The following GPAM variants were observed in gnomAD, a reference collection of about 807,000 sequenced individuals.
The protein encoded by GPAM is glycerol-3-phosphate acyltransferase, mitochondrial.
In GPAM, 56 loss-of-function variants were observed where a neutral mutation model predicts 105.0. That is an observed-to-expected ratio of 0.53 (90% CI 0.43 to 0.67). The LOEUF is 0.67. Ranked by LOEUF, GPAM falls within the 30% of genes least tolerant of loss-of-function variation. GPAM has a pLI of 0.00. For missense variants in GPAM, 855 were observed against 989.8 expected (o/e 0.86, Z 1.83); for synonymous variants, 368 against 354.4 (o/e 1.04, Z -0.43).
intron 1 of GPAM, among the ~76,000 whole-genome samples, chr10:112,200,167 AATATATATATATATATATATATATAT>A (rs10528337): frequency 2.1e-4 from 18 of 87,182 alleles, no homozygotes; most frequent in Admixed American, 5.6e-4. Context: ...TTGTAAAGGA[AATATATATATATATATATATATATAT>A]ATATATATAT....
intron 1 of GPAM, among the ~76,000 whole-genome samples, chr10:112,212,245 C>G (rs570597835): frequency 6.6e-6 from 1 of 152,136 alleles, no homozygotes; most frequent in Non-Finnish European, 1.5e-5. Context: ...TAGGTTGGTG[C>G]AAAAGTAATT....
chr10:112,220,158 G>A (rs1848005570), upstream of GPAM, among the ~76,000 whole-genome samples: 1 of 151,946 alleles, frequency 6.6e-6, no homozygotes, highest in Non-Finnish European at 1.5e-5. Flanking sequence ...AGTAGACTGA[G>A]CAGGCAGGAG....
At chr10:112,216,841 C>T (rs1357218529), upstream of GPAM, among the ~76,000 whole-genome samples, 3 of 151,824 alleles carry the variant, frequency 2.0e-5, no homozygotes, top group African/African-American at 7.3e-5. Context: ...CCAGGCTGGT[C>T]TCGAACTTCT....
At chr10:112,155,719 AC>A in intron 20 of GPAM, 144 bp downstream of exon 20, 1 of 606,474 alleles carries the variant, frequency 1.6e-6, no homozygotes, top group South Asian at 2.0e-5. Context: ...AACTTATATA[AC>A]ATGCCAAAGA....
Position 112,151,692 on chromosome 10 carries a change from A to G in GPAM, c.*1858T>C, listed in dbSNP as rs1046833646. On this transcript the variant is annotated 3_prime_UTR_variant, in exon 22 of 22. Transcript: ENST00000348367. ...AGTGTCGACTGGGAAGCGAGTCCCA[A>G]TCTTGAATAATGGTGAGCTTGAGTA... 1.0e-6 allele frequency: 1 copy of G among 985,150 alleles called. No individual in the cohort carries two copies. Among genetic ancestry groups the G allele is most frequent in the South Asian group, 4.7e-5 (1 of 21,282 alleles). The allele number at this position is 985,150 out of a possible 1,614,324, so 61.0% of individuals were successfully genotyped here.
Position 112,152,418 on chromosome 10 carries a change from T to C in GPAM, c.*1132A>G, listed in dbSNP as rs1317151275. 4.1e-6 allele frequency: 4 copies of C among 985,208 alleles called. No individual in the cohort carries two copies. In the East Asian group the frequency reaches 4.5e-4, roughly 112 times the overall value. 61.0% of individuals were successfully genotyped at this position (985,208 alleles called of 1,614,324 possible). ...CATAAAAATTTGTTAAAAGTCATGG[T>C]TTTTCCTCAAAGCTAAAAATCCATA... is the stretch of plus-strand genomic sequence containing the variant. On this transcript the variant is annotated 3_prime_UTR_variant, in exon 22 of 22. Coordinates refer to ENST00000348367, the MANE Select transcript of GPAM (RefSeq NM_001244949.2).
At chr10:112,157,420 A>C in intron 18 of GPAM, 31 bp from the exon 19 acceptor site, 10 of 1,608,252 alleles carry the variant, frequency 6.2e-6, no homozygotes, top group Non-Finnish European at 8.5e-6. Flanking sequence ...ATAGTAAATA[A>C]ATATGCACTG....
At chr10:112,180,620 T>G (rs765536188) in intron 3 of GPAM, 25 bp from the exon 4 acceptor site, 2 of 1,597,094 alleles carry the variant, frequency 1.3e-6, no homozygotes, top group Admixed American at 1.7e-5. Flanking sequence ...GAAAAAAATA[T>G]AGTTTCTAAA....
upstream of GPAM, among the ~76,000 whole-genome samples, chr10:112,186,978 T>C (rs527619690): frequency 1.3e-5 from 2 of 152,332 alleles, no homozygotes; most frequent in African/African-American, 2.4e-5. Context: ...AAGTATTCTG[T>C]TGTAAGATTC....
the GPAM span, among the ~76,000 whole-genome samples, chr10:112,225,850 G>A: frequency 9.7e-4 from 148 of 152,146 alleles, 1 homozygote; most frequent in Non-Finnish European, 1.8e-3. Flanking sequence ...TGCTCGCTGC[G>A]GTGTTCCCTT....
At chr10:112,188,619 C>G (rs1442684459), upstream of GPAM, among the ~76,000 whole-genome samples, 1 of 152,168 alleles carries the variant, frequency 6.6e-6, no homozygotes, top group Admixed American at 6.5e-5. Flanking sequence ...ATGAAAATGG[C>G]ACACACCCTG....
At position 112,152,517 on chromosome 10, in the gene GPAM, G is replaced by A. The variant is rs1285860819; in HGVS notation, c.*1033C>T. On this transcript the variant is annotated 3_prime_UTR_variant, in exon 22 of 22. Coordinates refer to ENST00000348367, the MANE Select transcript of GPAM (RefSeq NM_001244949.2). Reference sequence around the variant, plus strand: ...GGACAGGTTGTGCACGGCACAACTCGAGTGGGTACCAGTCACCTGGACTGG... The same window carrying A: ...GGACAGGTTGTGCACGGCACAACTCAAGTGGGTACCAGTCACCTGGACTGG... 6.1e-6 allele frequency: 6 copies of A among 985,072 alleles called. No individual in the cohort carries two copies. Among genetic ancestry groups the A allele is most frequent in the Non-Finnish European group, 7.2e-6 (6 of 829,616 alleles). 61.0% of individuals were successfully genotyped at this position (985,072 alleles called of 1,614,324 possible).
chr10:112,213,044 G>A (rs1847929816), intron 1 of GPAM, among the ~76,000 whole-genome samples: 1 of 152,162 alleles, frequency 6.6e-6, no homozygotes, highest in Admixed American at 6.5e-5. Context: ...CTCAGCTCAG[G>A]GTCTGTGCTT....
Position 112,168,910 on chromosome 10 carries a change from C to A in GPAM, c.837G>T (p.Arg279Ser), listed in dbSNP as rs781680553. ...HKLGGFFIRR[R>S]LDETPDGRKD... is the part of the protein sequence containing the mutation. ...TCCGTCCATCTGGTGTTTCATCGAG[C>A]CTTCGTCGTATGAAGAAGCCCCCAA... The change falls in exon 10 of 22, where the codon AGG (arginine) becomes AGT (serine). Residue 279 changes from arginine (R) to serine (S), a missense_variant. Coordinates refer to ENST00000348367, the MANE Select transcript of GPAM (RefSeq NM_001244949.2). 3.1e-6 allele frequency: 5 copies of A among 1,612,368 alleles called. No homozygotes were observed. The highest frequency in any genetic ancestry group is 4.2e-6 in the Non-Finnish European group (5 of 1,178,456).
chr10:112,182,770 A>G (rs886224370), intron 2 of GPAM, 24 bp downstream of exon 2: 1 of 152,234 alleles, frequency 6.6e-6, no homozygotes, highest in Non-Finnish European at 1.5e-5. Context: ...ATAACAGGCT[A>G]GGGGAGAGAA....
chr10:112,224,640 C>T, the GPAM span, among the ~76,000 whole-genome samples: 1 of 152,062 alleles, frequency 6.6e-6, no homozygotes, highest in Non-Finnish European at 1.5e-5. Flanking sequence ...TTTGGGAAGG[C>T]AACCTTGACA....
At chr10:112,183,043 A>G (rs2133271351) in intron 1 of GPAM, among the ~76,000 whole-genome samples, 152 bp from the exon 2 acceptor site, 1 of 152,382 alleles carries the variant, frequency 6.6e-6, no homozygotes, top group East Asian at 1.9e-4. Context: ...ACCAGCCAGC[A>G]GCATGCGCTG....
chr10:112,217,902 A>G (rs541722680), upstream of GPAM, among the ~76,000 whole-genome samples: 1 of 152,348 alleles, frequency 6.6e-6, no homozygotes, highest in East Asian at 1.9e-4. Flanking sequence ...TTGGCTTCCT[A>G]GCTGTTTAGA....
In GPAM at chr10:112,150,193, C is replaced by T; in HGVS notation, c.*3357G>A. On this transcript the variant is annotated 3_prime_UTR_variant, in exon 22 of 22. Coordinates refer to ENST00000348367, the MANE Select transcript of GPAM (RefSeq NM_001244949.2). ...AGGTTTCTAAAATAGTTTTAAAAAA[C>T]AGGTTTACAGCCCATAGTAAGTCTT... is the stretch of plus-strand genomic sequence containing the variant. 1.0e-6 allele frequency: 1 copy of T among 985,188 alleles called. No individual in the cohort carries two copies. Among genetic ancestry groups the T allele is most frequent in the Non-Finnish European group, 1.2e-6 (1 of 829,668 alleles). The allele number at this position is 985,188 out of a possible 1,614,324, so 61.0% of individuals were successfully genotyped here. A position where few individuals can be genotyped will look rare whatever the true frequency, so the allele number is the denominator to read the frequency against.
Sources: gnomAD v4.1 joint callset for allele counts (sites outside exome capture counted in the v4.1 genomes callset) on GRCh38, gnomAD v4.1.1 for gene constraint, MANE v1.5 for transcripts, NCBI Gene and HGNC (gene_info 2026-07-23, HGNC 2026-07-21) for gene names.